The following ZCWPW2 variants were observed in gnomAD, a reference collection of about 807,000 sequenced individuals.
ZCWPW2 encodes the protein zinc finger CW-type and PWWP domain containing 2.
ZCWPW2 carries 45 observed loss-of-function variants against 46.6 expected under a neutral mutation model. That is an observed-to-expected ratio of 0.96 (90% confidence interval 0.76 to 1.24). The LOEUF is 1.24. Among genes scored for constraint, ZCWPW2 ranks in the 50% most tolerant of loss-of-function variants. ZCWPW2 has a pLI of 0.00. For synonymous variants in ZCWPW2, 152 were observed against 137.1 expected, an observed-to-expected ratio of 1.11 and a Z score of -0.76; for missense variants, 429 against 403.9, an observed-to-expected ratio of 1.06 and a Z score of -0.53.
intron 1 of ZCWPW2, among the ~76,000 whole-genome samples, chr3:28,367,051 C>T (rs937961327): frequency 1.3e-5 from 2 of 152,006 alleles, no homozygotes; most frequent in African/African-American, 2.4e-5. Context: ...CTTTATTAGT[C>T]TCGCTAGCAG....
intron 4 of ZCWPW2, among the ~76,000 whole-genome samples, chr3:28,459,843 T>TA (rs966219570): frequency 2.0e-5 from 3 of 151,980 alleles, no homozygotes; most frequent in Non-Finnish European, 4.4e-5. Flanking sequence ...GGGGCTTCTT[T>TA]AAAAAAAATT....
intron 1 of ZCWPW2, among the ~76,000 whole-genome samples, chr3:28,363,955 G>T (rs559675264): frequency 9.2e-5 from 14 of 152,228 alleles, no homozygotes; most frequent in African/African-American, 3.1e-4. Context: ...CTTGTGATCT[G>T]TCAGACTTAC....
At chr3:28,401,430 T>C (rs993198490) in intron 2 of ZCWPW2, among the ~76,000 whole-genome samples, 4 of 152,046 alleles carry the variant, frequency 2.6e-5, no homozygotes, top group Admixed American at 1.3e-4. Context: ...CTCCCAAATT[T>C]ATAAAACAAT....
chr3:28,403,248 C>A (rs1469089687), intron 2 of ZCWPW2, among the ~76,000 whole-genome samples: 1 of 152,112 alleles, frequency 6.6e-6, no homozygotes, highest in African/African-American at 2.4e-5. Context: ...CTTCTATACA[C>A]CAACAGCAAC....
intron 8 of ZCWPW2, among the ~76,000 whole-genome samples, chr3:28,516,267 A>C: frequency 6.8e-6 from 1 of 146,150 alleles, no homozygotes; most frequent in Non-Finnish European, 1.5e-5. Context: ...ATAAATAAAT[A>C]AATAAATAAA....
intron 5 of ZCWPW2, among the ~76,000 whole-genome samples, chr3:28,482,448 G>C (rs916802864): frequency 1.3e-5 from 2 of 152,168 alleles, no homozygotes; most frequent in African/African-American, 4.8e-5. Flanking sequence ...TATGAATAAA[G>C]CTGCTGTAAA....
In ZCWPW2 at chr3:28,392,548, A is replaced by G. The variant is rs550132202; in HGVS notation, c.-14+1931A>G. Among the ~76,000 whole-genome samples, 10 of 152,280 alleles carry G rather than the reference A, an allele frequency of 6.6e-5. 1 individual carries two copies. In the South Asian group the frequency reaches 1.7e-3, roughly 25 times the overall value. On this transcript the variant is annotated intron_variant, in intron 2 of 9. Transcript: ENST00000383768. ...CACACATGCACAGAACATTCTCTAG[A>G]GTAGAGATAATATGTGAGGCCATAA...
At chr3:28,495,708 T>C (rs180924496) in intron 6 of ZCWPW2, among the ~76,000 whole-genome samples, 2 of 152,212 alleles carry the variant, frequency 1.3e-5, no homozygotes, top group East Asian at 3.9e-4. Context: ...TAGTAACTCA[T>C]TTTTATTTTA....
At chr3:28,495,526 G>C (rs1699961844) in intron 6 of ZCWPW2, among the ~76,000 whole-genome samples, 1 of 152,030 alleles carries the variant, frequency 6.6e-6, no homozygotes, top group Non-Finnish European at 1.5e-5. Flanking sequence ...GGCCAGATCT[G>C]ACCTTTAAAC....
At chr3:28,479,758 A>T (rs1232092790) in intron 5 of ZCWPW2, among the ~76,000 whole-genome samples, 1 of 152,110 alleles carries the variant, frequency 6.6e-6, no homozygotes, top group African/African-American at 2.4e-5. Flanking sequence ...TCCCACTTAT[A>T]AGGGAGAACA....
At chr3:28,354,238 T>G (rs1704654408) in intron 1 of ZCWPW2, among the ~76,000 whole-genome samples, 1 of 151,646 alleles carries the variant, frequency 6.6e-6, no homozygotes, top group Admixed American at 6.6e-5. Context: ...TTTAGGCAAA[T>G]AAACTAGAAA....
At chr3:28,441,905 A>G (rs1413099714) in intron 4 of ZCWPW2, among the ~76,000 whole-genome samples, 2 of 152,202 alleles carry the variant, frequency 1.3e-5, no homozygotes, top group African/African-American at 4.8e-5. Flanking sequence ...AGTTATCTGC[A>G]GAAGATGGCA....
intron 6 of ZCWPW2, among the ~76,000 whole-genome samples, chr3:28,496,562 G>T (rs1358689183): frequency 3.3e-5 from 5 of 151,824 alleles, no homozygotes; most frequent in Non-Finnish European, 1.5e-5. Flanking sequence ...TGACAAGGTA[G>T]CCTCATTAAG....
intron 1 of ZCWPW2, among the ~76,000 whole-genome samples, chr3:28,363,238 A>G (rs1705007471): frequency 6.6e-6 from 1 of 152,196 alleles, no homozygotes; most frequent in Non-Finnish European, 1.5e-5. Context: ...AAAAAGAATA[A>G]CAAAATAACT....
chr3:28,472,003 G>T (rs1202881296), intron 4 of ZCWPW2, among the ~76,000 whole-genome samples: 1 of 151,876 alleles, frequency 6.6e-6, no homozygotes, highest in Admixed American at 6.6e-5. Flanking sequence ...AAAATACCTA[G>T]GAATTATCTC....
At chr3:28,352,126 G>GCACACACACACACACACA (rs111383620) in intron 1 of ZCWPW2, among the ~76,000 whole-genome samples, 2 of 129,706 alleles carry the variant, frequency 1.5e-5, no homozygotes, top group African/African-American at 2.9e-5. Context: ...TCAGATGTAT[G>GCACACACACACACACACA]CACACACACA....
At chr3:28,431,616 G>A (rs570836002) in intron 3 of ZCWPW2, among the ~76,000 whole-genome samples, 38 of 152,198 alleles carry the variant, frequency 2.5e-4, no homozygotes, top group African/African-American at 8.7e-4. Context: ...TAGGACTTCA[G>A]CATACAAATT....
intron 8 of ZCWPW2, among the ~76,000 whole-genome samples, chr3:28,516,301 A>G (rs1700572006): frequency 1.4e-5 from 2 of 147,080 alleles, no homozygotes; most frequent in East Asian, 4.0e-4. Flanking sequence ...AAATAAATAA[A>G]TAAAGCACCA....
At chr3:28,411,857 T>G (rs570897755) in intron 2 of ZCWPW2, among the ~76,000 whole-genome samples, 1 of 152,132 alleles carries the variant, frequency 6.6e-6, no homozygotes, top group Admixed American at 6.6e-5. Context: ...ACTTTTTCAC[T>G]CTTTCAACAT....
Sources: gnomAD v4.1 joint callset for allele counts (sites outside exome capture counted in the v4.1 genomes callset) on GRCh38, gnomAD v4.1.1 for gene constraint, MANE v1.5 for transcripts, NCBI Gene and HGNC (gene_info 2026-07-23, HGNC 2026-07-21) for gene names.